SLC25A29: variants seen among roughly 807,000 people sequenced by gnomAD.
SLC25A29 encodes the protein solute carrier family 25 member 29, also known as mitochondrial basic amino acids transporter.
SLC25A29 carries 13 observed loss-of-function variants against 10.0 expected under a neutral mutation model. The observed-to-expected ratio is 1.30, with a 90% CI of 0.85 to 2.07. The LOEUF is 2.07. SLC25A29 is among the 30% of genes most tolerant of loss of function. The pLI is 0.00. For missense variants in SLC25A29, 475 were observed against 447.6 expected, an observed-to-expected ratio of 1.06 and a Z score of -0.55; for synonymous variants, 244 against 221.1, an observed-to-expected ratio of 1.10 and a Z score of -0.92.
intron 2 of SLC25A29, chr14:100,295,850 C>T (rs1892110779): frequency 1.6e-6 from 2 of 1,289,794 alleles, no homozygotes; most frequent in Non-Finnish European, 2.0e-6. Flanking sequence ...CAACTGCTCC[C>T]TGATTATTGC....
the SLC25A29 span, among the ~76,000 whole-genome samples, chr14:100,286,078 G>T: frequency 6.6e-6 from 1 of 152,088 alleles, no homozygotes; most frequent in Non-Finnish European, 1.5e-5. Context: ...GCCCATCACC[G>T]CTTCACCCTC....
At chr14:100,299,169 G>A in intron 1 of SLC25A29, 1 of 1,322,634 alleles carries the variant, frequency 7.6e-7, no homozygotes, top group East Asian at 3.3e-5. Flanking sequence ...GACTGGTCTG[G>A]GTGGCTGACA....
At chr14:100,302,590 C>T (rs538731405) in intron 1 of SLC25A29, among the ~76,000 whole-genome samples, 1 of 151,580 alleles carries the variant, frequency 6.6e-6, no homozygotes, top group African/African-American at 2.4e-5. Flanking sequence ...CTCTTGACCT[C>T]GTGATCCACC....
intron 1 of SLC25A29, chr14:100,305,669 T>A (rs1471717260): frequency 1.6e-5 from 2 of 128,818 alleles, no homozygotes; most frequent in East Asian, 5.5e-4. Context: ...CAAAACCGCG[T>A]AGGAAGGGGC....
Position 100,292,510 on chromosome 14 carries a change from G to C in SLC25A29, c.685C>G (p.Arg229Gly), listed in dbSNP as rs1192926682. Reference sequence around the variant, plus strand: ...TGGTGCACGCAGTCCAGGATGCCGCGGTAGCGCGGGGCGCCCCGCAGTCCG... The same window carrying C: ...TGGTGCACGCAGTCCAGGATGCCGCCGTAGCGCGGGGCGCCCCGCAGTCCG... ...ADGLRGAPRY[R>G]GILDCVHQSY... is the part of the protein sequence containing the mutation. Residue 229 changes from arginine to glycine, a missense_variant, in exon 4 of 4, where the codon CGC becomes GGC. Transcript: ENST00000359232. The C allele has an allele frequency of 1.9e-6, 3 of 1,588,794 alleles. No homozygotes were observed. The Admixed American group carries it at 5.3e-5, about 28-fold the overall frequency.
intron 1 of SLC25A29, among the ~76,000 whole-genome samples, chr14:100,304,727 C>T (rs980695510): frequency 2.0e-5 from 3 of 152,208 alleles, no homozygotes; most frequent in Non-Finnish European, 4.4e-5. Flanking sequence ...GCGCGAGCGA[C>T]GTGCAGAGGA....
chr14:100,295,862 G>A (rs1260835226), intron 2 of SLC25A29: 1 of 1,289,714 alleles, frequency 7.8e-7, no homozygotes, highest in Non-Finnish European at 1.0e-6. Flanking sequence ...GATTATTGCT[G>A]TGTCCAAGGA....
At chr14:100,299,420 C>G (rs1307130265) in intron 1 of SLC25A29, 1 of 996,378 alleles carries the variant, frequency 1.0e-6, no homozygotes, top group Non-Finnish European at 1.2e-6. Flanking sequence ...GCCACGGAGA[C>G]TGAACAGGGT....
intron 1 of SLC25A29, chr14:100,299,404 A>G: frequency 1.0e-6 from 1 of 997,042 alleles, no homozygotes; most frequent in Non-Finnish European, 1.2e-6. Flanking sequence ...TCCCTCCCCC[A>G]GAGTGGCCAC....
At chr14:100,298,719 G>T in intron 2 of SLC25A29, 123 bp downstream of exon 2, 2 of 1,237,734 alleles carry the variant, frequency 1.6e-6, no homozygotes, top group Non-Finnish European at 2.4e-6. Flanking sequence ...GTTCAACCCG[G>T]CCTGGTGTAA....
chr14:100,302,050 C>CT lies in SLC25A29; in HGVS notation c.35-3166dup, dbSNP rs34185759. ...CAACTGCCATTTCATTAGAGCCTTTCTTTTTTTTTTTTTGAGACAGAGTCT... is the reference window on the plus strand; with the variant it reads ...CAACTGCCATTTCATTAGAGCCTTTCTTTTTTTTTTTTTTGAGACAGAGTCT... On this transcript the variant is annotated intron_variant, in intron 1 of 3. Coordinates refer to ENST00000359232, the MANE Select transcript of SLC25A29 (RefSeq NM_001039355.3). Among the ~76,000 whole-genome samples, 393 of 146,036 alleles carry CT rather than the reference C, an allele frequency of 2.7e-3. 2 individuals are homozygous for CT. The highest frequency in any genetic ancestry group is 7.0e-3 in the African/African-American group (280 of 40,016).
intron 2 of SLC25A29, 126 bp from the exon 3 acceptor site, chr14:100,293,503 T>G: frequency 1.3e-6 from 1 of 747,792 alleles, no homozygotes; most frequent in Non-Finnish European, 2.2e-6. Flanking sequence ...AGTCTAAGAC[T>G]TTTGTAATTC....
At chr14:100,306,165 C>A in intron 1 of SLC25A29, 34 bp downstream of exon 1, 1 of 1,433,936 alleles carries the variant, frequency 7.0e-7, no homozygotes, top group Non-Finnish European at 9.2e-7. Context: ...CCGGACGCCT[C>A]GCCCCGGCCC....
downstream of SLC25A29, among the ~76,000 whole-genome samples, chr14:100,286,470 T>TG (rs397961103): frequency 0.6 from 47,186 of 78,334 alleles, 12,248 homozygotes; most frequent in Non-Finnish European, 0.67. Flanking sequence ...AGAGCATGGC[T>TG]GGGGGGGGGG....
Position 100,292,149 on chromosome 14 carries a change from G to T in SLC25A29, c.*134C>A. ...TCGGCCAAAACTACCCAGCTGATCA[G>T]CAAAATTCAGCCCACGTCTGATAGA... On this transcript the variant is annotated 3_prime_UTR_variant, in exon 4 of 4. Coordinates refer to ENST00000359232, the MANE Select transcript of SLC25A29 (RefSeq NM_001039355.3). The T allele has an allele frequency of 1.6e-6, 2 of 1,232,768 alleles. No homozygotes were observed. The highest frequency in any genetic ancestry group is 2.3e-6 in the Non-Finnish European group (2 of 878,786). 76.4% of individuals were successfully genotyped at this position (1,232,768 alleles called of 1,614,324 possible).
rs375984705 is a variant in SLC25A29, at chr14:100,298,825, G to A, written c.78+17C>T. ...CAATGTACGCGCCGAGGAAAAAAAA[G>A]CAGCGATGAGACTCACCTTGACCGT... is the stretch of plus-strand genomic sequence containing the variant. On this transcript the variant is annotated intron_variant, in intron 2 of 3. Coordinates refer to ENST00000359232, the MANE Select transcript of SLC25A29 (RefSeq NM_001039355.3). The A allele has an allele frequency of 3.1e-5, 50 of 1,614,010 alleles. No individual in the cohort carries two copies. The African/African-American group carries it at 6.3e-4, about 20-fold the overall frequency.
chr14:100,306,227 C>T lies in SLC25A29; in HGVS notation c.6G>A (p.Ala2=). The part of the protein sequence containing the change: M[A]LDFLAGCAGG... Reference sequence around the variant, plus strand: ...CCGCGCATCCAGCCAAGAAGTCCAGCGCCATGGCCGGGTCCCCGGCGAGGC... The same window carrying T: ...CCGCGCATCCAGCCAAGAAGTCCAGTGCCATGGCCGGGTCCCCGGCGAGGC... Residue 2 remains alanine, a synonymous_variant, in exon 1 of 4, where the codon GCG becomes GCA. Transcript: ENST00000359232. 2 of 1,499,832 alleles carry T rather than the reference C, an allele frequency of 1.3e-6. No individual in the cohort carries two copies. The highest frequency in any genetic ancestry group is 1.8e-6 in the Non-Finnish European group (2 of 1,128,736). The allele number at this position is 1,499,832 out of a possible 1,614,324, so 92.9% of individuals were successfully genotyped here.
At chr14:100,279,222 C>G in the SLC25A29 span, 1 of 152,216 alleles carries the variant, frequency 6.6e-6, no homozygotes, top group African/African-American at 2.4e-5. Context: ...AAAGTGCAAA[C>G]ATACTGTGTG....
At position 100,292,866 on chromosome 14, in the gene SLC25A29, C is replaced by T; in HGVS notation, c.329G>A (p.Cys110Tyr). ...AAAGAIQCVI[C>Y]CPMELAKTRL... ...CGTCTTGGCCAGCTCCATGGGGCAG[C>T]AGATGACGCACTGGATGGCGCCCGC... Residue 110 changes from cysteine (C) to tyrosine (Y), a missense_variant, in exon 4 of 4, where the codon TGC (cysteine) becomes TAC (tyrosine). Cys to Tyr is a radical substitution (Grantham distance 194). Transcript: ENST00000359232. The T allele has an allele frequency of 6.2e-7, 1 of 1,600,772 alleles. No individual in the cohort carries two copies. The highest frequency in any genetic ancestry group is 8.5e-7 in the Non-Finnish European group (1 of 1,175,484).
Sources: allele counts gnomAD v4.1 joint callset (sites outside exome capture counted in the v4.1 genomes callset), GRCh38; gene constraint gnomAD v4.1.1; transcripts MANE v1.5; gene names NCBI Gene and HGNC (gene_info 2026-07-23, HGNC 2026-07-21).